Variants in KHDRBS3 observed in about 807,000 individuals in gnomAD.
KHDRBS3 encodes the protein KH domain-containing, RNA-binding, signal transduction-associated protein 3.
A neutral mutation model predicts 45.6 loss-of-function variants in KHDRBS3; 23 were observed. The observed-to-expected ratio is 0.50, with a 90% CI of 0.36 to 0.72. The LOEUF (loss-of-function observed/expected upper bound fraction) is 0.72. Ranked by LOEUF, KHDRBS3 falls within the 30% of genes least tolerant of loss-of-function variation. KHDRBS3 has a pLI of 0.00. For synonymous variants in KHDRBS3, 162 were observed against 156.5 expected (o/e 1.04, Z -0.26); for missense variants, 352 against 424.8 (o/e 0.83, Z 1.51).
At chr8:135,548,490 G>C (rs10093477) in intron 3 of KHDRBS3, among the ~76,000 whole-genome samples, 3,296 of 152,220 alleles carry the variant, frequency 0.022, 120 homozygotes, top group African/African-American at 0.075. Flanking sequence ...GTGAGCAGAT[G>C]ATGGGGCTCC....
intron 2 of KHDRBS3, among the ~76,000 whole-genome samples, chr8:135,535,086 G>GTAGTTTGTTATT (rs1255446423): frequency 2.0e-5 from 3 of 151,990 alleles, no homozygotes; most frequent in South Asian, 4.1e-4. Flanking sequence ...AGTTTGTTAT[G>GTAGTTTGTTATT]TAGTAGTGGA....
At chr8:135,602,050 T>C (rs552820255) in intron 6 of KHDRBS3, among the ~76,000 whole-genome samples, 2 of 152,300 alleles carry the variant, frequency 1.3e-5, no homozygotes, top group African/African-American at 4.8e-5. Context: ...GCTCCACTAC[T>C]CTCTCCTTTT....
chr8:135,491,999 T>C (rs1383499778), intron 1 of KHDRBS3, among the ~76,000 whole-genome samples: 1 of 151,998 alleles, frequency 6.6e-6, no homozygotes, highest in Non-Finnish European at 1.5e-5. Context: ...AAATGATTAA[T>C]GTTATTTAAT....
intron 1 of KHDRBS3, among the ~76,000 whole-genome samples, chr8:135,489,497 G>A (rs1399038010): frequency 1.3e-5 from 2 of 152,132 alleles, no homozygotes; most frequent in Non-Finnish European, 1.5e-5. Flanking sequence ...GGCCAATATA[G>A]TGAAACCCTG....
At chr8:135,582,425 G>A (rs1828259858) in intron 6 of KHDRBS3, among the ~76,000 whole-genome samples, 1 of 152,152 alleles carries the variant, frequency 6.6e-6, no homozygotes, top group African/African-American at 2.4e-5. Flanking sequence ...AAAAATAATT[G>A]CCTGCGTATA....
At chr8:135,548,067 G>A (rs990735771) in intron 3 of KHDRBS3, among the ~76,000 whole-genome samples, 1 of 152,136 alleles carries the variant, frequency 6.6e-6, no homozygotes, top group African/African-American at 2.4e-5. Flanking sequence ...TTCTCAGATA[G>A]AATATAGTGC....
intron 1 of KHDRBS3, among the ~76,000 whole-genome samples, chr8:135,471,429 A>G (rs775426318): frequency 1.8e-4 from 28 of 152,210 alleles, no homozygotes; most frequent in Non-Finnish European, 2.8e-4. Context: ...TAAGGATCAC[A>G]TGCTTAGGCT....
Position 135,489,417 on chromosome 8 carries a change from C to T in KHDRBS3, c.88+31463C>T, listed in dbSNP as rs183064679. Among the ~76,000 whole-genome samples the T allele has an allele frequency of 3.2e-3, 493 of 152,280 alleles. 4 individuals are homozygous for T. In the Middle Eastern group the frequency reaches 0.037, roughly 12 times the overall value. ...GCTATTGGCCAGGCACGGTGGCTCACGCCTGTAATCCCAGCACTTTGGGAG... is the reference window on the plus strand; with the variant it reads ...GCTATTGGCCAGGCACGGTGGCTCATGCCTGTAATCCCAGCACTTTGGGAG... On this transcript the variant is annotated intron_variant, in intron 1 of 8. Coordinates refer to ENST00000355849, the MANE Select transcript of KHDRBS3 (RefSeq NM_006558.3).
At chr8:135,558,830 G>A (rs1827024746) in intron 5 of KHDRBS3, among the ~76,000 whole-genome samples, 1 of 151,896 alleles carries the variant, frequency 6.6e-6, no homozygotes, top group Admixed American at 6.6e-5. Flanking sequence ...TCGTTATGGA[G>A]GCCAGATGCC....
downstream of KHDRBS3, among the ~76,000 whole-genome samples, chr8:135,650,969 ACAT>A (rs1448563015): frequency 6.6e-6 from 1 of 152,214 alleles, no homozygotes; most frequent in Non-Finnish European, 1.5e-5. Flanking sequence ...GTGATTAAAG[ACAT>A]CATTGTTGTC....
intron 1 of KHDRBS3, among the ~76,000 whole-genome samples, chr8:135,495,389 A>G (rs997996423): frequency 1.6e-4 from 25 of 152,222 alleles, no homozygotes; most frequent in African/African-American, 5.5e-4. Context: ...AATCCTAAGT[A>G]GAAGTTGAAT....
chr8:135,501,707 A>AT (rs1324703973), intron 1 of KHDRBS3, among the ~76,000 whole-genome samples: 1 of 151,380 alleles, frequency 6.6e-6, no homozygotes, highest in Non-Finnish European at 1.5e-5. Flanking sequence ...GAGTGTAGGG[A>AT]TTTTTTGTTC....
At chr8:135,458,784 G>T (rs1057323618) in intron 1 of KHDRBS3, 80 of 448,134 alleles carry the variant, frequency 1.8e-4, no homozygotes, top group African/African-American at 1.4e-3. Context: ...CCAGCTCAGG[G>T]TGTGAAAGAT....
intron 1 of KHDRBS3, among the ~76,000 whole-genome samples, chr8:135,477,869 G>A (rs1822370188): frequency 6.6e-6 from 1 of 152,196 alleles, no homozygotes; most frequent in South Asian, 2.1e-4. Flanking sequence ...TCAGAACAGG[G>A]ATACCGTGTT....
rs150776192 is a variant in KHDRBS3, at chr8:135,473,012, C to T, written c.88+15058C>T. Among the ~76,000 whole-genome samples, 22 of 149,328 alleles carry T rather than the reference C, an allele frequency of 1.5e-4. No homozygotes were observed. The East Asian group carries it at 3.2e-3, about 22-fold the overall frequency. On this transcript the variant is annotated intron_variant, in intron 1 of 8. Coordinates refer to ENST00000355849, the MANE Select transcript of KHDRBS3 (RefSeq NM_006558.3). ...AAAGTTTACTGAATTCTGTAAATTA[C>T]ACCTAAAACTGTTTATTTGAAAAGT...
intron 1 of KHDRBS3, among the ~76,000 whole-genome samples, chr8:135,518,917 T>C (rs1824763161): frequency 6.6e-6 from 1 of 152,238 alleles, no homozygotes. Context: ...TGTTTTAAAT[T>C]GTTACCATGT....
rs1447793603 is a variant in KHDRBS3 at position 135,647,506 on chromosome 8, A to G, written c.*422A>G. On this transcript the variant is annotated 3_prime_UTR_variant, in exon 9 of 9. Transcript: ENST00000355849. ...ATGCGTAAAAAGGGAAGCCAATTAC[A>G]AGTGCAAATAATGTGGTATTCTTTT... 6.5e-6 allele frequency: 1 copy of G among 153,376 alleles called. No homozygotes were observed. The highest frequency in any genetic ancestry group is 1.5e-5 in the Non-Finnish European group (1 of 68,570). The allele number at this position is 153,376 out of a possible 1,614,324, so 9.5% of individuals were successfully genotyped here. A position where few individuals can be genotyped will look rare whatever the true frequency, so the allele number is the denominator to read the frequency against.
chr8:135,519,281 T>C lies in KHDRBS3; in HGVS notation c.89-1956T>C, dbSNP rs368386630. ...CCAATTCTTTGATGCCAGCTGTGTA[T>C]CCAGTGATTCAATTCTGAAGCTAAC... On this transcript the variant is annotated intron_variant, in intron 1 of 8. Coordinates refer to ENST00000355849, the MANE Select transcript of KHDRBS3 (RefSeq NM_006558.3). Among the ~76,000 whole-genome samples, 125 of 152,278 alleles carry C rather than the reference T, an allele frequency of 8.2e-4. 2 individuals carry two copies. The highest frequency in any genetic ancestry group is 2.9e-3 in the African/African-American group (120 of 41,542).
chr8:135,604,925 C>A (rs1563800704), intron 6 of KHDRBS3, among the ~76,000 whole-genome samples: 1 of 143,248 alleles, frequency 7.0e-6, no homozygotes, highest in Non-Finnish European at 1.5e-5. Flanking sequence ...AGTTGACAGT[C>A]TTTTTTTTTT....
Sources: gnomAD v4.1 joint callset for allele counts (sites outside exome capture counted in the v4.1 genomes callset) on GRCh38, gnomAD v4.1.1 for gene constraint, MANE v1.5 for transcripts, NCBI Gene and HGNC (gene_info 2026-07-23, HGNC 2026-07-21) for gene names.